FOXO1: variants seen among roughly 807,000 people sequenced by gnomAD.
FOXO1 encodes forkhead box O1, also known as forkhead box protein O1.
A neutral mutation model predicts 44.1 loss-of-function variants in FOXO1; 6 were observed. That is an observed-to-expected ratio of 0.14 (90% CI 0.07 to 0.27). The LOEUF is 0.27. Ranked by LOEUF, FOXO1 falls within the 10% of genes least tolerant of loss-of-function variation. The pLI, the probability that FOXO1 is intolerant of heterozygous loss-of-function variation, is 1.00. For missense variants in FOXO1, 737 were observed against 888.8 expected, an observed-to-expected ratio of 0.83 and a Z score of 2.17; for synonymous variants, 380 against 362.7, an observed-to-expected ratio of 1.05 and a Z score of -0.54.
intron 1 of FOXO1, among the ~76,000 whole-genome samples, chr13:40,587,361 G>A (rs960400569): frequency 3.3e-5 from 5 of 151,730 alleles, no homozygotes; most frequent in South Asian, 2.1e-4. Flanking sequence ...TTGATTATCC[G>A]TGAAAGGAAG....
chr13:40,621,855 T>C (rs4941987), intron 1 of FOXO1, among the ~76,000 whole-genome samples: 62,198 of 151,902 alleles, frequency 0.41, 13,906 homozygotes, highest in East Asian at 0.75. Context: ...ATACAGCATA[T>C]CATATATGTA....
At chr13:40,613,318 G>A (rs1419590337) in intron 1 of FOXO1, among the ~76,000 whole-genome samples, 4 of 152,028 alleles carry the variant, frequency 2.6e-5, no homozygotes, top group Non-Finnish European at 4.4e-5. Flanking sequence ...GGCACATAAG[G>A]ATGTGACATA....
intron 1 of FOXO1, among the ~76,000 whole-genome samples, chr13:40,654,645 C>G (rs1877800835): frequency 6.6e-6 from 1 of 152,102 alleles, no homozygotes; most frequent in South Asian, 2.1e-4. Context: ...AAAAAGTTGA[C>G]AGCCTGGAAA....
chr13:40,591,869 G>A (rs1278965560), intron 1 of FOXO1, among the ~76,000 whole-genome samples: 1 of 151,976 alleles, frequency 6.6e-6, no homozygotes, highest in East Asian at 1.9e-4. Context: ...ACCACGCCAG[G>A]CTAATTTTTG....
chr13:40,636,102 C>T (rs1013932630), intron 1 of FOXO1, among the ~76,000 whole-genome samples: 2 of 152,148 alleles, frequency 1.3e-5, no homozygotes, highest in Admixed American at 6.5e-5. Context: ...GTAGTCCCAA[C>T]TACTTGGGAG....
Position 40,557,291 on chromosome 13 carries a change from T to G in FOXO1, c.*1758A>C, listed in dbSNP as rs1873792385. Reference sequence around the variant, plus strand: ...GGCTTTCCACATGACTTGAAAATACTGATGGACTAAATAGGACACAAAGCC... The same window carrying G: ...GGCTTTCCACATGACTTGAAAATACGGATGGACTAAATAGGACACAAAGCC... On this transcript the variant is annotated 3_prime_UTR_variant, in exon 3 of 3. Transcript: ENST00000379561. The G allele has an allele frequency of 6.6e-6, 1 of 152,248 alleles. No homozygotes were observed. The allele number at this position is 152,248 out of a possible 1,614,324, so 9.4% of individuals were successfully genotyped here. A position where few individuals can be genotyped will look rare whatever the true frequency, so the allele number is the denominator to read the frequency against.
intron 1 of FOXO1, among the ~76,000 whole-genome samples, chr13:40,656,143 C>A (rs1052983761): frequency 1.3e-5 from 2 of 152,160 alleles, no homozygotes; most frequent in African/African-American, 4.8e-5. Context: ...TTTGGCCTAT[C>A]CAAATTTAAC....
chr13:40,596,527 G>C (rs1875583921), intron 1 of FOXO1, among the ~76,000 whole-genome samples: 1 of 152,148 alleles, frequency 6.6e-6, no homozygotes, highest in Non-Finnish European at 1.5e-5. Context: ...CATGATCTTG[G>C]GCAAATTACT....
chr13:40,616,720 TG>T (rs1876435692), intron 1 of FOXO1, among the ~76,000 whole-genome samples: 1 of 152,124 alleles, frequency 6.6e-6, no homozygotes, highest in Non-Finnish European at 1.5e-5. Flanking sequence ...AGGACAGAGT[TG>T]ATCTGTGAGG....
chr13:40,633,598 C>T (rs183258606), intron 1 of FOXO1, among the ~76,000 whole-genome samples: 73 of 152,082 alleles, frequency 4.8e-4, no homozygotes, highest in Admixed American at 4.8e-3. Context: ...AGAGTAAATG[C>T]AGGTTAGGGA....
intron 1 of FOXO1, among the ~76,000 whole-genome samples, chr13:40,606,574 A>G: frequency 6.6e-6 from 1 of 152,160 alleles, no homozygotes; most frequent in East Asian, 1.9e-4. Context: ...CGGCCTCCCA[A>G]AATGCCAGGA....
intron 1 of FOXO1, among the ~76,000 whole-genome samples, chr13:40,641,665 G>T (rs7988604): frequency 0.41 from 62,692 of 151,860 alleles, 14,161 homozygotes; most frequent in East Asian, 0.73. Flanking sequence ...AAACTGAAGT[G>T]ATTAAGAGTC....
chr13:40,570,852 A>G (rs1254226907), intron 1 of FOXO1, among the ~76,000 whole-genome samples: 1 of 152,192 alleles, frequency 6.6e-6, no homozygotes, highest in Admixed American at 6.5e-5. Context: ...ACTACCCCAA[A>G]AAGACAAATC....
At chr13:40,665,114 G>A (rs1412486877) in intron 1 of FOXO1, among the ~76,000 whole-genome samples, 1 of 151,448 alleles carries the variant, frequency 6.6e-6, no homozygotes, top group Non-Finnish European at 1.5e-5. Flanking sequence ...GGGGCAGCGA[G>A]GCTCCGGGGC....
chr13:40,663,083 CACTT>C (rs781573512), intron 1 of FOXO1, among the ~76,000 whole-genome samples: 1 of 152,186 alleles, frequency 6.6e-6, no homozygotes, highest in South Asian at 2.1e-4. Flanking sequence ...ACACCTGAAA[CACTT>C]ACTCATTTGA....
intron 1 of FOXO1, chr13:40,620,340 G>A (rs1566077670): frequency 5.1e-5 from 39 of 771,552 alleles, no homozygotes; most frequent in Non-Finnish European, 8.4e-5. Context: ...AAGCAATAGT[G>A]GGGGCTTCTG....
intron 1 of FOXO1, among the ~76,000 whole-genome samples, chr13:40,598,580 ACAT>A (rs1259238383): frequency 6.6e-6 from 1 of 152,158 alleles, no homozygotes; most frequent in African/African-American, 2.4e-5. Flanking sequence ...AGGAATATTT[ACAT>A]ATATGTGGTT....
chr13:40,630,490 C>T lies in FOXO1; in HGVS notation c.630+35093G>A, dbSNP rs190479195. Among the ~76,000 whole-genome samples, 13 of 152,122 alleles carry T rather than the reference C, an allele frequency of 8.5e-5. No individual in the cohort carries two copies. The East Asian group carries it at 2.1e-3, about 25-fold the overall frequency. On this transcript the variant is annotated intron_variant, in intron 1 of 2. Coordinates refer to ENST00000379561, the MANE Select transcript of FOXO1 (RefSeq NM_002015.4). The stretch of plus-strand genomic sequence containing the variant: ...CCAACATGGTGAAACCCCGTGTCCA[C>T]TAAAAATACAAAAATGTAGCCAGGT...
intron 1 of FOXO1, among the ~76,000 whole-genome samples, chr13:40,594,265 G>T (rs1875494010): frequency 6.6e-6 from 1 of 152,138 alleles, no homozygotes; most frequent in Admixed American, 6.5e-5. Flanking sequence ...GTTTAAGGGG[G>T]CCAATGGGGG....
Sources: gnomAD v4.1 joint callset for allele counts (sites outside exome capture counted in the v4.1 genomes callset) on GRCh38, gnomAD v4.1.1 for gene constraint, MANE v1.5 for transcripts, NCBI Gene and HGNC (gene_info 2026-07-23, HGNC 2026-07-21) for gene names.